Variants in SEM1 observed in about 807,000 individuals in gnomAD.
SEM1 encodes the protein SEM1 26S proteasome subunit, also known as 26S proteasome complex subunit SEM1.
In SEM1, 3 loss-of-function variants were observed where a neutral mutation model predicts 12.7. That is an observed-to-expected ratio of 0.24 (90% confidence interval 0.11 to 0.61). The LOEUF (loss-of-function observed/expected upper bound fraction) is 0.61. Among genes scored for constraint, SEM1 ranks in the 20% least tolerant of loss-of-function variants. The pLI is 0.88. For missense variants in SEM1, 59 were observed against 81.3 expected, an observed-to-expected ratio of 0.73 and a Z score of 1.06; for synonymous variants, 30 against 27.8, an observed-to-expected ratio of 1.08 and a Z score of -0.25.
At chr7:96,613,709 C>G (rs1807615708) in intron 2 of SEM1, among the ~76,000 whole-genome samples, 1 of 152,154 alleles carries the variant, frequency 6.6e-6, no homozygotes, top group Non-Finnish European at 1.5e-5. Flanking sequence ...TGTTCCACTC[C>G]CACCCAGCCT....
At chr7:96,559,621 T>C (rs1328367022) in intron 2 of SEM1, among the ~76,000 whole-genome samples, 7 of 152,222 alleles carry the variant, frequency 4.6e-5, no homozygotes, top group African/African-American at 7.2e-5. Flanking sequence ...AAATGGCGTA[T>C]TGTGGACAAT....
chr7:96,696,397 G>A (rs1364291807), intron 1 of SEM1: 2 of 151,900 alleles, frequency 1.3e-5, no homozygotes, highest in African/African-American at 4.8e-5. Context: ...CGAAAGAGCT[G>A]GCCAAATTCT....
intron 2 of SEM1, among the ~76,000 whole-genome samples, chr7:96,557,263 C>A (rs28763299): frequency 6.8e-6 from 1 of 146,060 alleles, no homozygotes; most frequent in East Asian, 2.1e-4. Context: ...GGAGGAGAAG[C>A]GCTCTGCTTT....
intron 2 of SEM1, among the ~76,000 whole-genome samples, chr7:96,578,894 T>C (rs912150665): frequency 3.9e-5 from 6 of 152,180 alleles, no homozygotes; most frequent in Non-Finnish European, 1.5e-5. Flanking sequence ...TGTGAAGAAT[T>C]CATTTTATGG....
chr7:96,496,254 C>T, intron 1 of SEM1: 1 of 1,411,734 alleles, frequency 7.1e-7, no homozygotes, highest in Non-Finnish European at 9.7e-7. Context: ...ATAAAAGCCA[C>T]ATATTGATAT....
intron 1 of SEM1, among the ~76,000 whole-genome samples, chr7:96,487,507 G>A (rs374599946): frequency 1.1e-4 from 16 of 149,862 alleles, no homozygotes; most frequent in East Asian, 9.6e-4. Context: ...TGGCTGACTC[G>A]CCTCACTCTA....
intron 2 of SEM1, among the ~76,000 whole-genome samples, chr7:96,655,637 C>T (rs1457097693): frequency 2.0e-5 from 3 of 151,990 alleles, no homozygotes; most frequent in Admixed American, 6.6e-5. Flanking sequence ...TCTCCACACC[C>T]GTGAACTAAC....
rs567348393 is a variant in SEM1, at chr7:96,649,069, G to A, written c.171-26426C>T. 7.2e-5 allele frequency: 11 copies of A among 152,366 alleles called. No individual in the cohort carries two copies. The South Asian group carries it at 2.3e-3, about 32-fold the overall frequency. 9.4% of individuals were successfully genotyped at this position (152,366 alleles called of 1,614,324 possible). ...TGTTGAAAGTCCCCCTCGCTATTGG[G>A]TGCAGCACATCACTGAAGATGCTCT... is the stretch of plus-strand genomic sequence containing the variant. On this transcript the variant is annotated intron_variant, in intron 2 of 2. Transcript: ENST00000417009.
At chr7:96,515,500 A>G (rs1804062562) in intron 2 of SEM1, among the ~76,000 whole-genome samples, 1 of 152,144 alleles carries the variant, frequency 6.6e-6, no homozygotes, top group Non-Finnish European at 1.5e-5. Flanking sequence ...TAGAAATACC[A>G]TTTGACCCAG....
At chr7:96,495,212 G>A (rs1172628094) in intron 1 of SEM1, among the ~76,000 whole-genome samples, 5 of 152,176 alleles carry the variant, frequency 3.3e-5, no homozygotes, top group African/African-American at 1.2e-4. Flanking sequence ...ATAAAATCAT[G>A]CAGCCAAATT....
intron 2 of SEM1, among the ~76,000 whole-genome samples, chr7:96,691,595 C>T (rs1789935078): frequency 6.6e-6 from 1 of 152,264 alleles, no homozygotes; most frequent in African/African-American, 2.4e-5. Context: ...CCATTCTTTA[C>T]CATGACTTAT....
chr7:96,649,279 CTG>C (rs1808893454), intron 2 of SEM1: 1 of 152,150 alleles, frequency 6.6e-6, no homozygotes, highest in Non-Finnish European at 1.5e-5. Flanking sequence ...TGTTTTACTA[CTG>C]TGTTTTATCA....
At chr7:96,618,397 G>A (rs1407226732), downstream of SEM1, among the ~76,000 whole-genome samples, 2 of 152,080 alleles carry the variant, frequency 1.3e-5, no homozygotes, top group Non-Finnish European at 2.9e-5. Context: ...ACTTGCCTGG[G>A]GATTGCTGAG....
intron 2 of SEM1, among the ~76,000 whole-genome samples, chr7:96,559,659 A>G (rs565979175): frequency 2.6e-5 from 4 of 152,350 alleles, no homozygotes; most frequent in South Asian, 4.1e-4. Flanking sequence ...AAAGATCTAT[A>G]TAGCACTTTT....
intron 2 of SEM1, among the ~76,000 whole-genome samples, chr7:96,616,215 G>C (rs1263497805): frequency 6.6e-6 from 1 of 151,764 alleles, no homozygotes; most frequent in African/African-American, 2.4e-5. Flanking sequence ...ATTGGTTTTA[G>C]ACTTTTTAAT....
rs533869835 is a variant in SEM1, at chr7:96,702,859, C to T, written c.76+6829G>A. On this transcript the variant is annotated intron_variant, in intron 1 of 2. Coordinates refer to ENST00000248566, the MANE Select transcript of SEM1 (RefSeq NM_006304.2). ...AGAGCACCAGGACTACAATGTAGAACTTCTATCATGAGGAAATAGGCACAG... is the reference window on the plus strand; with the variant it reads ...AGAGCACCAGGACTACAATGTAGAATTTCTATCATGAGGAAATAGGCACAG... Among the ~76,000 whole-genome samples, 2 of 152,290 alleles carry T rather than the reference C, an allele frequency of 1.3e-5. 1 individual carries two copies. The highest frequency in any genetic ancestry group is 1.3e-4 in the Admixed American group (2 of 15,302).
chr7:96,658,945 C>CT (rs1182720312), intron 2 of SEM1, among the ~76,000 whole-genome samples: 1 of 151,994 alleles, frequency 6.6e-6, no homozygotes. Flanking sequence ...AAGGGGGCAC[C>CT]TTTTTTTCTA....
chr7:96,543,662 A>G (rs1430228139), intron 2 of SEM1, among the ~76,000 whole-genome samples: 1 of 152,026 alleles, frequency 6.6e-6, no homozygotes, highest in East Asian at 1.9e-4. Context: ...TAAGGAAATA[A>G]CTTACTCCTA....
At chr7:96,597,676 GATAT>G (rs55710405) in intron 2 of SEM1, among the ~76,000 whole-genome samples, 351 of 146,788 alleles carry the variant, frequency 2.4e-3, no homozygotes, top group African/African-American at 5.2e-3. Context: ...TAGTATATAT[GATAT>G]ATATATATAT....
Sources: allele counts gnomAD v4.1 joint callset (sites outside exome capture counted in the v4.1 genomes callset), GRCh38; gene constraint gnomAD v4.1.1; transcripts MANE v1.5; gene names NCBI Gene and HGNC (gene_info 2026-07-23, HGNC 2026-07-21).